DMD: variants seen among roughly 807,000 people sequenced by gnomAD.
The protein encoded by DMD is mutant dystrophin.
Under a neutral mutation model 330.1 loss-of-function variants are expected in DMD, and 63 were observed. That is an observed-to-expected ratio of 0.19 (90% CI 0.16 to 0.24). The LOEUF (loss-of-function observed/expected upper bound fraction) is 0.24, where lower values mean the gene tolerates loss of function less well. DMD is among the 10% of genes least tolerant of loss of function. The pLI is 1.00. For missense variants in DMD, 3,344 were observed against 2,684.1 expected (o/e 1.25, Z -5.43); for synonymous variants, 1,223 against 959.8 (o/e 1.27, Z -5.07).
intron 21 of DMD, among the ~76,000 whole-genome samples, chrX:32,477,897 T>A (rs184440329): frequency 1.1e-3 from 120 of 111,591 alleles, no homozygotes; most frequent in African/African-American, 3.7e-3. Flanking sequence ...TGAGTTGAGA[T>A]GTTTTGTATA....
chrX:32,379,772 T>C (rs1294796447), intron 34 of DMD, among the ~76,000 whole-genome samples: 5 of 111,427 alleles, frequency 4.5e-5, no homozygotes, highest in African/African-American at 1.6e-4. Flanking sequence ...AAACGTCTTA[T>C]ACATCTAGTT....
intron 7 of DMD, among the ~76,000 whole-genome samples, chrX:32,777,560 CA>C (rs1183299374): frequency 4.5e-5 from 5 of 110,589 alleles, no homozygotes; most frequent in South Asian, 3.8e-4. Flanking sequence ...TTAGAATAAA[CA>C]AGAATAAGAC....
At chrX:32,519,263 TAAAAAAAAAAA>T (rs201722710) in intron 17 of DMD, among the ~76,000 whole-genome samples, 1 of 69,251 alleles carries the variant, frequency 1.4e-5, no homozygotes, top group African/African-American at 4.9e-5. Flanking sequence ...AAGTGGAATC[TAAAAAAAAAAA>T]AAAAAAAAAA....
chrX:32,571,389 C>CAGTGTG (rs1312486407), intron 15 of DMD, among the ~76,000 whole-genome samples: 1 of 111,812 alleles, frequency 8.9e-6, no homozygotes. Context: ...GTGTGTACCA[C>CAGTGTG]TTCCTACTTT....
chrX:32,097,211 G>A (rs1220286284), intron 44 of DMD, among the ~76,000 whole-genome samples: 2 of 110,424 alleles, frequency 1.8e-5, no homozygotes, highest in East Asian at 5.7e-4. Context: ...TTTAAGCCCC[G>A]CATGCATTAG....
chrX:33,261,850 A>G (rs1473724520), intron 1 of DMD, among the ~76,000 whole-genome samples: 1 of 110,369 alleles, frequency 9.1e-6, no homozygotes, highest in Admixed American at 9.8e-5. Context: ...AAACACAATG[A>G]CAATAAAAGC....
At chrX:31,451,671 C>T (rs766216008) in intron 59 of DMD, among the ~76,000 whole-genome samples, 8 of 110,885 alleles carry the variant, frequency 7.2e-5, no homozygotes, top group Non-Finnish European at 1.5e-4. Context: ...CACCCTTTCT[C>T]GAAAGTTGAG....
At chrX:31,219,653 T>TC (rs1209547489) in intron 64 of DMD, among the ~76,000 whole-genome samples, 5 of 110,378 alleles carry the variant, frequency 4.5e-5, no homozygotes, top group Admixed American at 9.7e-5. Flanking sequence ...CCGTATTCTC[T>TC]GAGAACACCC....
At position 31,915,065 on chromosome X, in the gene DMD, G is replaced by A. The variant is rs142319310; in HGVS notation, c.6912+14531C>T. 1.7e-3 allele frequency among the ~76,000 whole-genome samples: 193 copies of A among 112,375 alleles called. 1 individual carries two copies. The highest frequency in any genetic ancestry group is 5.9e-3 in the African/African-American group (184 of 30,979). On this transcript the variant is annotated intron_variant, in intron 47 of 78. Transcript: ENST00000357033. ...AAATTTTAAAAAGAGAGAATTGGTT[G>A]TGGTAGGAGCAGATAGCATAACTTT...
chrX:31,558,234 C>T (rs1300259963), intron 55 of DMD, among the ~76,000 whole-genome samples: 2 of 111,570 alleles, frequency 1.8e-5, no homozygotes, highest in South Asian at 3.8e-4. Context: ...TAGAATTTTA[C>T]GTTGCTGGAA....
intron 2 of DMD, among the ~76,000 whole-genome samples, chrX:32,898,894 A>C (rs1163926770): frequency 9.0e-6 from 1 of 110,792 alleles, no homozygotes; most frequent in Non-Finnish European, 1.9e-5. Flanking sequence ...TAATTGGAAA[A>C]CCTTTTTCCA....
intron 44 of DMD, among the ~76,000 whole-genome samples, chrX:32,210,838 G>A (rs763148881): frequency 2.7e-5 from 3 of 111,496 alleles, no homozygotes; most frequent in Non-Finnish European, 5.7e-5. Flanking sequence ...AAAGCAAGGC[G>A]AGAAGAATGA....
intron 78 of DMD, among the ~76,000 whole-genome samples, chrX:31,124,654 T>C (rs1279194101): frequency 1.8e-5 from 2 of 112,053 alleles, no homozygotes; most frequent in Non-Finnish European, 3.8e-5. Context: ...TTAAGGATTA[T>C]TGAACACAAA....
At chrX:32,748,450 A>T (rs894067296) in intron 7 of DMD, among the ~76,000 whole-genome samples, 5 of 111,586 alleles carry the variant, frequency 4.5e-5, no homozygotes, top group African/African-American at 1.6e-4. Context: ...AGGAGCAAAA[A>T]GTTTAATTTT....
intron 9 of DMD, among the ~76,000 whole-genome samples, chrX:32,691,881 A>G (rs2063307406): frequency 8.9e-6 from 1 of 111,783 alleles, no homozygotes; most frequent in Non-Finnish European, 1.9e-5. Flanking sequence ...TAAGGACATT[A>G]TGGGAAGTGA....
At chrX:32,295,100 A>G (rs1337217362) in intron 42 of DMD, among the ~76,000 whole-genome samples, 1 of 111,693 alleles carries the variant, frequency 9.0e-6, no homozygotes, top group East Asian at 2.8e-4. Context: ...ACATGCCCCT[A>G]TGAATTGACC....
At chrX:31,933,994 A>T (rs988580685) in intron 45 of DMD, among the ~76,000 whole-genome samples, 2 of 109,177 alleles carry the variant, frequency 1.8e-5, no homozygotes, top group Admixed American at 9.8e-5. Flanking sequence ...ACAAATGTGT[A>T]TTGGGAGCTT....
intron 13 of DMD, among the ~76,000 whole-genome samples, chrX:32,578,836 A>C: frequency 9.0e-6 from 1 of 111,638 alleles, no homozygotes; most frequent in Non-Finnish European, 1.9e-5. Flanking sequence ...ACGGGGCTTT[A>C]TGAAAGAGGG....
chrX:32,388,252 C>A (rs1475625216), intron 32 of DMD, among the ~76,000 whole-genome samples: 1 of 107,798 alleles, frequency 9.3e-6, no homozygotes, highest in Non-Finnish European at 1.9e-5. Flanking sequence ...TATAAGGTAA[C>A]ATTAGAGACC....
Sources: allele counts gnomAD v4.1 joint callset (sites outside exome capture counted in the v4.1 genomes callset), GRCh38; gene constraint gnomAD v4.1.1; transcripts MANE v1.5; gene names NCBI Gene and HGNC (gene_info 2026-07-23, HGNC 2026-07-21).